Variants in ASB13 observed in about 807,000 individuals in gnomAD.
The protein encoded by ASB13 is ankyrin repeat and SOCS box protein 13.
Under a neutral mutation model 28.8 loss-of-function variants are expected in ASB13, and 33 were observed. The ratio of observed to expected loss-of-function variants is 1.15; its 90% CI spans 0.87 to 1.53. The LOEUF is 1.53. ASB13 is among the 40% of genes most tolerant of loss of function. The pLI is 0.00. For synonymous variants in ASB13, 182 were observed against 172.9 expected (o/e 1.05, Z -0.41); for missense variants, 414 against 390.1 (o/e 1.06, Z -0.52).
chr10:5,658,409 T>G lies in ASB13; in HGVS notation c.44-5359A>C, dbSNP rs1588518219. ...TCGTGCCATTGCACTACGGCCTGGG[T>G]GACTTTGTCTGAAAAAAAAAAAAAA... On this transcript the variant is annotated intron_variant, in intron 1 of 5. Transcript: ENST00000357700. This position sits in a 1 kb window ranked among gnomAD's most constrained non-coding sequence, Gnocchi z 4.2. Among the ~76,000 whole-genome samples, 1 of 149,044 alleles carries G rather than the reference T, an allele frequency of 6.7e-6. No individual in the cohort carries two copies.
At position 5,640,424 on chromosome 10, in the gene ASB13, A is replaced by G. The variant is rs1834789383; in HGVS notation, c.*279T>C. Reference sequence around the variant, plus strand: ...CTTTGAGGATGGTCCGTAAAAGAGGAAAACTGGATGGTTGGGCCCATGCCC... The same window carrying G: ...CTTTGAGGATGGTCCGTAAAAGAGGGAAACTGGATGGTTGGGCCCATGCCC... On this transcript the variant is annotated 3_prime_UTR_variant, in exon 6 of 6. Coordinates refer to ENST00000357700, the MANE Select transcript of ASB13 (RefSeq NM_024701.4). 5.7e-6 allele frequency: 2 copies of G among 348,378 alleles called. No homozygotes were observed. The highest frequency in any genetic ancestry group is 1.1e-5 in the Non-Finnish European group (2 of 188,016). 21.6% of individuals were successfully genotyped at this position (348,378 alleles called of 1,614,324 possible). A position where few individuals can be genotyped will look rare whatever the true frequency, so the allele number is the denominator to read the frequency against.
intron 1 of ASB13, 88 bp from the exon 2 acceptor site, chr10:5,653,138 C>T (rs1350118138): frequency 1.5e-5 from 19 of 1,250,330 alleles, no homozygotes; most frequent in African/African-American, 3.0e-5. Context: ...TCCCTGATGC[C>T]ACCAAGGCAC....
In ASB13 at chr10:5,651,653, CA is replaced by C; in HGVS notation, c.232-291del. ...AACACCTAGTAAGCACAGAGCAGGACAGGGGAACCCTAGGCTGCAAGCTGGG... is the reference window on the plus strand; with the variant it reads ...AACACCTAGTAAGCACAGAGCAGGACGGGGAACCCTAGGCTGCAAGCTGGG... On this transcript the variant is annotated intron_variant, in intron 2 of 5. Coordinates refer to ENST00000357700, the MANE Select transcript of ASB13 (RefSeq NM_024701.4). The surrounding 1 kb of genome is among the most constrained non-coding windows in gnomAD (Gnocchi z 5.1). 1 of 299,888 alleles carries C rather than the reference CA, an allele frequency of 3.3e-6. No homozygotes were observed. 18.6% of individuals were successfully genotyped at this position (299,888 alleles called of 1,614,324 possible). A position where few individuals can be genotyped will look rare whatever the true frequency, so the allele number is the denominator to read the frequency against.
At chr10:5,654,605 C>T in intron 1 of ASB13, among the ~76,000 whole-genome samples, 1 of 152,198 alleles carries the variant, frequency 6.6e-6, no homozygotes, top group East Asian at 1.9e-4. Flanking sequence ...GAGGAGTCTT[C>T]CAGACACTTT....
Position 5,642,469 on chromosome 10 carries a change from G to A in ASB13, c.518-508C>T, listed in dbSNP as rs34319060. ...CTTTTACAAAAGGAAAACAGATAACGTACCCAAAACAGTAGGCAATTCAGA... is the reference window on the plus strand; with the variant it reads ...CTTTTACAAAAGGAAAACAGATAACATACCCAAAACAGTAGGCAATTCAGA... On this transcript the variant is annotated intron_variant, in intron 4 of 5. Coordinates refer to ENST00000357700, the MANE Select transcript of ASB13 (RefSeq NM_024701.4). This position sits in a 1 kb window ranked among gnomAD's most constrained non-coding sequence, Gnocchi z 4.1. The A allele has an allele frequency of 4.2e-3, 4,899 of 1,157,918 alleles. 26 individuals are homozygous for A. The highest frequency in any genetic ancestry group is 4.4e-3 in the Non-Finnish European group (4,067 of 920,140). 71.7% of individuals were successfully genotyped at this position (1,157,918 alleles called of 1,614,324 possible). A position where few individuals can be genotyped will look rare whatever the true frequency, so the allele number is the denominator to read the frequency against.
Position 5,649,081 on chromosome 10 carries a change from G to A in ASB13, c.406C>T (p.Leu136Phe). ...MSGSSECVRL[L>F]IDVGANLEAH... ...TCCAGATTGGCCCCGACGTCAATAA[G>A]AAGCCTCACACATTCGGAACTCCCT... Residue 136 changes from leucine to phenylalanine, a missense_variant, in exon 4 of 6, where the codon CTT becomes TTT. By Grantham distance (22) the Leu-to-Phe change is conservative. Coordinates refer to ENST00000357700, the MANE Select transcript of ASB13 (RefSeq NM_024701.4). The surrounding 1 kb of genome is among the most constrained non-coding windows in gnomAD (Gnocchi z 6.4). 1 of 1,614,222 alleles carries A rather than the reference G, an allele frequency of 6.2e-7. No individual in the cohort carries two copies. The highest frequency in any genetic ancestry group is 8.5e-7 in the Non-Finnish European group (1 of 1,180,040).
At position 5,649,053 on chromosome 10, in the gene ASB13, G is replaced by T. The variant is rs757058806; in HGVS notation, c.434C>A (p.Ala145Glu). The change falls in exon 4 of 6, where the codon GCG becomes GAG. Residue 145 changes from alanine to glutamate, a missense_variant. Transcript: ENST00000357700. This position sits in a 1 kb window ranked among gnomAD's most constrained non-coding sequence, Gnocchi z 6.4. ...AGGGGTCCCAAAATGGCAATCGTGC[G>T]CTTCCAGATTGGCCCCGACGTCAAT... Reference protein sequence around the residue: ...LLIDVGANLEAHDCHFGTPLH... With the variant: ...LLIDVGANLEEHDCHFGTPLH... 6.2e-7 allele frequency: 1 copy of T among 1,614,244 alleles called. No homozygotes were observed. Among genetic ancestry groups the T allele is most frequent in the African/African-American group, 1.3e-5 (1 of 75,068 alleles).
At position 5,661,164 on chromosome 10, in the gene ASB13, G is replaced by A. The variant is rs1835159192; in HGVS notation, c.43+5345C>T. Among the ~76,000 whole-genome samples, 2 of 152,122 alleles carry A rather than the reference G, an allele frequency of 1.3e-5. No homozygotes were observed. Among genetic ancestry groups the A allele is most frequent in the African/African-American group, 4.8e-5 (2 of 41,432 alleles). ...GGCCCGGCCACCCCCTAGAGAGCCT[G>A]TGTCTAGGAGGCAGCTGGCCTGCTG... On this transcript the variant is annotated intron_variant, in intron 1 of 5. Coordinates refer to ENST00000357700, the MANE Select transcript of ASB13 (RefSeq NM_024701.4). The surrounding 1 kb of genome is among the most constrained non-coding windows in gnomAD (Gnocchi z 4.9).
chr10:5,665,067 G>A (rs1367598725), intron 1 of ASB13, among the ~76,000 whole-genome samples: 1 of 152,178 alleles, frequency 6.6e-6, no homozygotes, highest in African/African-American at 2.4e-5. Context: ...ATGTTGGCCA[G>A]GCTGGTCTCG....
In ASB13 at chr10:5,649,133, G is replaced by A; in HGVS notation, c.383-29C>T. 1.2e-6 allele frequency: 2 copies of A among 1,613,462 alleles called. No individual in the cohort carries two copies. The highest frequency in any genetic ancestry group is 1.7e-6 in the Non-Finnish European group (2 of 1,179,850). On this transcript the variant is annotated intron_variant, in intron 3 of 5. Transcript: ENST00000357700. This position sits in a 1 kb window ranked among gnomAD's most constrained non-coding sequence, Gnocchi z 6.4. ...AAGATAAATGGAAAAGGGGGGGAAT[G>A]TCCTTGAATACGGACACTGGAGACA...
In ASB13 at chr10:5,656,541, G is replaced by GAAAA. The variant is rs35585377; in HGVS notation, c.44-3495_44-3492dup. On this transcript the variant is annotated intron_variant, in intron 1 of 5. Coordinates refer to ENST00000357700, the MANE Select transcript of ASB13 (RefSeq NM_024701.4). The surrounding 1 kb of genome is among the most constrained non-coding windows in gnomAD (Gnocchi z 4.3). ...GCAACCGAGCAAGACTCCGTCTCAA[G>GAAAA]AAAAAAAAAAAAAGTCTGTAGCAGT... Among the ~76,000 whole-genome samples the GAAAA allele has an allele frequency of 4.3e-3, 615 of 142,504 alleles. 2 individuals carry two copies. Among genetic ancestry groups the GAAAA allele is most frequent in the Non-Finnish European group, 6.3e-3 (405 of 64,642 alleles). The allele number at this position is 142,504 out of a possible 152,430, so 93.5% of individuals were successfully genotyped here.
chr10:5,641,947 C>G lies in ASB13; in HGVS notation c.532G>C (p.Ala178Pro). Reference sequence around the variant, plus strand: ...AGGGCAGTCTCATGAAGCTTTGCCGCATTCACGTTGGCCCCTGGAGGTCAA... The same window carrying G: ...AGGGCAGTCTCATGAAGCTTTGCCGGATTCACGTTGGCCCCTGGAGGTCAA... ...VLLNAGANVN[A>P]AKLHETALHH... Residue 178 changes from alanine (A) to proline (P), a missense_variant, in exon 5 of 6, where the codon GCG (alanine) becomes CCG (proline). Transcript: ENST00000357700. The surrounding 1 kb of genome is among the most constrained non-coding windows in gnomAD (Gnocchi z 8.4). 1 of 1,604,230 alleles carries G rather than the reference C, an allele frequency of 6.2e-7. No individual in the cohort carries two copies. The highest frequency in any genetic ancestry group is 2.2e-5 in the East Asian group (1 of 44,576).
chr10:5,664,253 A>C lies in ASB13; in HGVS notation c.43+2256T>G, dbSNP rs1835220100. Among the ~76,000 whole-genome samples the C allele has an allele frequency of 7.0e-6, 1 of 143,480 alleles. No homozygotes were observed. Among genetic ancestry groups the C allele is most frequent in the African/African-American group, 2.6e-5 (1 of 38,850 alleles). 94.1% of individuals were successfully genotyped at this position (143,480 alleles called of 152,430 possible). The stretch of plus-strand genomic sequence containing the variant: ...CACCCCCACCCCGGCTTCCCAGAGC[A>C]GCAGCAGGCAGAGCTGGAAGACCCA... On this transcript the variant is annotated intron_variant, in intron 1 of 5. Transcript: ENST00000357700. The surrounding 1 kb of genome is among the most constrained non-coding windows in gnomAD (Gnocchi z 4.2).
chr10:5,648,177 AC>A (rs1370134380), intron 4 of ASB13, among the ~76,000 whole-genome samples: 1 of 150,934 alleles, frequency 6.6e-6, no homozygotes, highest in African/African-American at 2.4e-5. Context: ...GGGGGTAAAC[AC>A]CCACTCAGGT....
rs371617396 is a variant in ASB13, at chr10:5,662,859, G to A, written c.43+3650C>T. Among the ~76,000 whole-genome samples the A allele has an allele frequency of 1.4e-4, 21 of 152,214 alleles. No individual in the cohort carries two copies. In the South Asian group the frequency reaches 3.5e-3, roughly 26 times the overall value. On this transcript the variant is annotated intron_variant, in intron 1 of 5. Coordinates refer to ENST00000357700, the MANE Select transcript of ASB13 (RefSeq NM_024701.4). ...CCCCAGCACAAAGAGGGTGCCTAAC[G>A]CATGGCACTTAACCACTATCACCAA...
At chr10:5,657,767 G>A (rs1307656136) in intron 1 of ASB13, among the ~76,000 whole-genome samples, 1 of 152,172 alleles carries the variant, frequency 6.6e-6, no homozygotes. Context: ...AGTGTCCAGT[G>A]GAATATTATT....
At chr10:5,665,211 G>T (rs991201384) in intron 1 of ASB13, among the ~76,000 whole-genome samples, 9 of 152,186 alleles carry the variant, frequency 5.9e-5, no homozygotes, top group African/African-American at 1.9e-4. Flanking sequence ...TTTGAGGTCA[G>T]AATGTTAAAA....
At position 5,659,511 on chromosome 10, in the gene ASB13, G is replaced by A. The variant is rs757825932; in HGVS notation, c.44-6461C>T. 6.6e-6 allele frequency among the ~76,000 whole-genome samples: 1 copy of A among 152,200 alleles called. No individual in the cohort carries two copies. Among genetic ancestry groups the A allele is most frequent in the Non-Finnish European group, 1.5e-5 (1 of 68,038 alleles). ...ACTCTACCGACTCACACAGAGTCCAGTGGCTGCAAGTCCCATGCTTTGCGT... is the reference window on the plus strand; with the variant it reads ...ACTCTACCGACTCACACAGAGTCCAATGGCTGCAAGTCCCATGCTTTGCGT... On this transcript the variant is annotated intron_variant, in intron 1 of 5. Coordinates refer to ENST00000357700, the MANE Select transcript of ASB13 (RefSeq NM_024701.4). The surrounding 1 kb of genome is among the most constrained non-coding windows in gnomAD (Gnocchi z 5.8).
chr10:5,647,908 TATA>T (rs1834909652), intron 4 of ASB13, among the ~76,000 whole-genome samples: 1 of 152,120 alleles, frequency 6.6e-6, no homozygotes, highest in Admixed American at 6.6e-5. Context: ...GCCTTGCAAG[TATA>T]TACCCATTCA....
Sources: allele counts gnomAD v4.1 joint callset (sites outside exome capture counted in the v4.1 genomes callset), GRCh38; gene constraint gnomAD v4.1.1; non-coding constraint Gnocchi (gnomAD v3.1); transcripts MANE v1.5; gene names NCBI Gene and HGNC (gene_info 2026-07-23, HGNC 2026-07-21).